PLBD2: variants seen among roughly 807,000 people sequenced by gnomAD.
PLBD2 encodes the protein phospholipase B domain containing 2, also known as putative aminopeptidase PLBD2.
A neutral mutation model predicts 68.3 loss-of-function variants in PLBD2; 51 were observed. The observed-to-expected ratio is 0.75, with a 90% CI of 0.60 to 0.94. The LOEUF (loss-of-function observed/expected upper bound fraction) is 0.94. PLBD2 is among the 40% of genes least tolerant of loss of function. PLBD2 has a pLI of 0.00. For synonymous variants in PLBD2, 314 were observed against 339.3 expected (o/e 0.93, Z 0.82); for missense variants, 729 against 792.2 (o/e 0.92, Z 0.96).
chr12:113,371,389 G>A (rs1295831678), intron 2 of PLBD2, among the ~76,000 whole-genome samples: 1 of 152,230 alleles, frequency 6.6e-6, no homozygotes. Context: ...TGAGATGCCT[G>A]GAGGCGAGGG....
chr12:113,362,310 G>C lies in PLBD2; in HGVS notation c.290+3420G>C, dbSNP rs867540178. Among the ~76,000 whole-genome samples, 4 of 151,822 alleles carry C rather than the reference G, an allele frequency of 2.6e-5. No individual in the cohort carries two copies. The East Asian group carries it at 7.7e-4, about 29-fold the overall frequency. On this transcript the variant is annotated intron_variant, in intron 1 of 11. Coordinates refer to ENST00000280800, the MANE Select transcript of PLBD2 (RefSeq NM_173542.4). ...CCACTGCACTCCAGCCTGGGCAACAGAGTGAGACCCTGTCTCAAATAAAAA... is the reference window on the plus strand; with the variant it reads ...CCACTGCACTCCAGCCTGGGCAACACAGTGAGACCCTGTCTCAAATAAAAA...
chr12:113,375,221 C>G (rs1436378053), intron 5 of PLBD2: 6 of 572,710 alleles, frequency 1.0e-5, no homozygotes, highest in Non-Finnish European at 1.9e-5. Context: ...TCATGGCTCA[C>G]TGTAGCCTTG....
intron 1 of PLBD2, among the ~76,000 whole-genome samples, chr12:113,366,319 C>T (rs530584789): frequency 6.0e-5 from 9 of 150,790 alleles, no homozygotes; most frequent in African/African-American, 9.7e-5. Context: ...TGCTTCCCCC[C>T]GCTAGTTATA....
rs529929805 is a variant in PLBD2 at position 113,386,828 on chromosome 12, T to C, written c.1287-109T>C. The C allele has an allele frequency of 7.9e-5, 103 of 1,304,910 alleles. No individual in the cohort carries two copies. In the African/African-American group the frequency reaches 1.4e-3, roughly 18 times the overall value. The allele number at this position is 1,304,910 out of a possible 1,614,324, so 80.8% of individuals were successfully genotyped here. ...GCCACTGCACCCAGCCTGAATGTCGTAGTTGTAAGTAATAATGTCCTGGTG... is the reference window on the plus strand; with the variant it reads ...GCCACTGCACCCAGCCTGAATGTCGCAGTTGTAAGTAATAATGTCCTGGTG... On this transcript the variant is annotated intron_variant, in intron 9 of 11. Transcript: ENST00000280800.
At chr12:113,370,472 CTTTTTTT>C (rs71086162) in intron 2 of PLBD2, among the ~76,000 whole-genome samples, 9 of 103,622 alleles carry the variant, frequency 8.7e-5, no homozygotes, top group Non-Finnish European at 1.6e-4. Context: ...TTTTTCTTTT[CTTTTTTT>C]TTTTTTTTTT....
Position 113,387,038 on chromosome 12 carries a change from G to A in PLBD2, c.1388G>A (p.Arg463Gln), listed in dbSNP as rs768853771. The A allele has an allele frequency of 8.1e-6, 13 of 1,611,180 alleles. No individual in the cohort carries two copies. Among genetic ancestry groups the A allele is most frequent in the South Asian group, 3.3e-5 (3 of 90,316 alleles). The change falls in exon 10 of 12, where the codon CGG becomes CAG. Residue 463 changes from arginine to glutamine, a missense_variant. Coordinates refer to ENST00000280800, the MANE Select transcript of PLBD2 (RefSeq NM_173542.4). ...YDGSPRAQIF[R>Q]RNQSLVQDMD... ...GGGAGCCCCCGGGCCCAGATCTTCC[G>A]GCGGAACCAGTCACTGGTACAAGAC...
At chr12:113,368,247 C>T (rs2136904374) in intron 1 of PLBD2, among the ~76,000 whole-genome samples, 1 of 152,338 alleles carries the variant, frequency 6.6e-6, no homozygotes, top group Admixed American at 6.5e-5. Context: ...CCTGCCAACT[C>T]TGTGACCTTT....
intron 4 of PLBD2, 52 bp downstream of exon 4, chr12:113,374,626 T>A: frequency 6.7e-7 from 1 of 1,498,312 alleles, no homozygotes; most frequent in Non-Finnish European, 9.1e-7. Context: ...CACACACTCA[T>A]AGTCGGACAG....
intron 1 of PLBD2, among the ~76,000 whole-genome samples, chr12:113,360,707 G>A (rs1166961205): frequency 6.6e-6 from 1 of 152,210 alleles, no homozygotes; most frequent in Non-Finnish European, 1.5e-5. Context: ...CCCAGCTGGA[G>A]TGCAGGGGCA....
At chr12:113,361,331 T>TTTG (rs1957292637) in intron 1 of PLBD2, among the ~76,000 whole-genome samples, 1 of 150,432 alleles carries the variant, frequency 6.6e-6, no homozygotes, top group South Asian at 2.1e-4. Context: ...AAAAAGGTTT[T>TTTG]TTTTTTTTTG....
intron 6 of PLBD2, among the ~76,000 whole-genome samples, chr12:113,383,715 C>T (rs1401329263): frequency 6.6e-6 from 1 of 151,536 alleles, no homozygotes; most frequent in East Asian, 2.0e-4. Flanking sequence ...CCACCATGCC[C>T]GGCAGATTAA....
rs1167186079 is a variant in PLBD2 at position 113,369,116 on chromosome 12, G to C, written c.291G>C (p.Gly97=). The part of the protein sequence containing the change: ...ANLTNAIRET[G]WAFLELGTSG... ...TGAGTGTCCCCTCCTTCCCCTCCAG[G>C]TGGGCCTTCCTGGAGCTGGGCACAA... is the stretch of plus-strand genomic sequence containing the variant. Residue 97 remains glycine (G), a splice_region_variant and synonymous_variant, in exon 2 of 12, where the codon GGG becomes GGC. Coordinates refer to ENST00000280800, the MANE Select transcript of PLBD2 (RefSeq NM_173542.4). The C allele has an allele frequency of 1.9e-6, 3 of 1,590,966 alleles. No homozygotes were observed.
intron 1 of PLBD2, among the ~76,000 whole-genome samples, chr12:113,361,079 T>C (rs1957289093): frequency 6.6e-6 from 1 of 152,128 alleles, no homozygotes; most frequent in South Asian, 2.1e-4. Flanking sequence ...GCTTGAGGAC[T>C]CAGGGTCAGA....
chr12:113,377,871 G>C (rs1000334826), intron 5 of PLBD2, among the ~76,000 whole-genome samples: 1 of 152,100 alleles, frequency 6.6e-6, no homozygotes, highest in African/African-American at 2.4e-5. Context: ...TACTGTATAA[G>C]TCATACAGGT....
intron 1 of PLBD2, among the ~76,000 whole-genome samples, chr12:113,365,756 T>C (rs932244046): frequency 6.6e-6 from 1 of 152,122 alleles, no homozygotes; most frequent in Non-Finnish European, 1.5e-5. Context: ...CTTTGGAACA[T>C]TCAGAACTCA....
At chr12:113,383,133 C>T (rs1489694286) in intron 6 of PLBD2, among the ~76,000 whole-genome samples, 1 of 152,128 alleles carries the variant, frequency 6.6e-6, no homozygotes, top group African/African-American at 2.4e-5. Flanking sequence ...TCGGAGGCAG[C>T]GGTGGGCATC....
intron 2 of PLBD2, among the ~76,000 whole-genome samples, chr12:113,371,063 GAAACA>G (rs1453014914): frequency 1.3e-5 from 2 of 152,148 alleles, no homozygotes; most frequent in East Asian, 3.9e-4. Context: ...TCAAAAAAAT[GAAACA>G]AAACAAAACC....
chr12:113,387,661 CG>C, intron 10 of PLBD2, 82 bp from the exon 11 acceptor site: 3 of 1,436,182 alleles, frequency 2.1e-6, no homozygotes, highest in Non-Finnish European at 2.9e-6. Flanking sequence ...CAGCTGTTAA[CG>C]GGGCTGCCTG....
chr12:113,382,587 G>A (rs934988553), intron 6 of PLBD2, among the ~76,000 whole-genome samples: 2 of 151,856 alleles, frequency 1.3e-5, no homozygotes, highest in Non-Finnish European at 2.9e-5. Flanking sequence ...GGAACTATAG[G>A]CGCCTGCCAC....
Sources: allele counts gnomAD v4.1 joint callset (sites outside exome capture counted in the v4.1 genomes callset), GRCh38; gene constraint gnomAD v4.1.1; transcripts MANE v1.5; gene names NCBI Gene and HGNC (gene_info 2026-07-23, HGNC 2026-07-21).